Variants in MCC observed in about 807,000 individuals in gnomAD.
MCC encodes colorectal mutant cancer protein.
Under a neutral mutation model 116.2 loss-of-function variants are expected in MCC, and 90 were observed. The ratio of observed to expected loss-of-function variants is 0.77; its 90% CI spans 0.65 to 0.92. The LOEUF (loss-of-function observed/expected upper bound fraction) is 0.92. Among genes scored for constraint, MCC ranks in the 40% least tolerant of loss-of-function variants. The pLI, the probability that MCC is intolerant of heterozygous loss-of-function variation, is 0.00. For synonymous variants in MCC, 578 were observed against 510.5 expected (o/e 1.13, Z -1.78); for missense variants, 1,516 against 1,312.2 (o/e 1.16, Z -2.40).
intron 3 of MCC, among the ~76,000 whole-genome samples, chr5:113,224,249 C>T (rs190226809): frequency 2.0e-5 from 3 of 152,174 alleles, no homozygotes; most frequent in African/African-American, 7.2e-5. Flanking sequence ...CGCGCGACCA[C>T]ATCCGGCTAA....
intron 2 of MCC, among the ~76,000 whole-genome samples, chr5:113,356,685 G>A (rs1393323884): frequency 6.6e-6 from 1 of 152,094 alleles, no homozygotes; most frequent in Non-Finnish European, 1.5e-5. Flanking sequence ...ACCCAGGTTT[G>A]GCTTCAAGGC....
intron 6 of MCC, among the ~76,000 whole-genome samples, chr5:113,111,755 C>T (rs534946508): frequency 9.9e-5 from 15 of 152,226 alleles, no homozygotes; most frequent in South Asian, 6.2e-4. Context: ...CTATCAACGA[C>T]GTTGAGGACT....
At chr5:113,365,859 A>T (rs1229106860) in intron 2 of MCC, among the ~76,000 whole-genome samples, 1 of 152,132 alleles carries the variant, frequency 6.6e-6, no homozygotes, top group Non-Finnish European at 1.5e-5. Flanking sequence ...ATGCTTTTAA[A>T]CAACCATATC....
intron 2 of MCC, among the ~76,000 whole-genome samples, chr5:113,354,384 T>TG (rs1307935090): frequency 1.3e-5 from 2 of 152,120 alleles, no homozygotes; most frequent in African/African-American, 4.8e-5. Flanking sequence ...TAATATTGAT[T>TG]GGATTTTTAT....
At chr5:113,351,126 G>A (rs1768258450) in intron 2 of MCC, among the ~76,000 whole-genome samples, 1 of 152,060 alleles carries the variant, frequency 6.6e-6, no homozygotes, top group African/African-American at 2.4e-5. Flanking sequence ...GAACCATTTG[G>A]AGGTTTTTCA....
At chr5:113,345,088 C>G (rs1241868325) in intron 2 of MCC, among the ~76,000 whole-genome samples, 2 of 152,106 alleles carry the variant, frequency 1.3e-5, no homozygotes, top group Admixed American at 6.5e-5. Context: ...GACTGAAGAG[C>G]CTTTGCACTT....
chr5:113,322,841 C>T (rs576958835), intron 3 of MCC, among the ~76,000 whole-genome samples: 189 of 152,304 alleles, frequency 1.2e-3, no homozygotes, highest in African/African-American at 4.3e-3. Flanking sequence ...AACCAGCCTC[C>T]AAGATAGCCT....
chr5:113,386,787 G>A (rs1268424472), intron 1 of MCC, among the ~76,000 whole-genome samples: 11 of 129,192 alleles, frequency 8.5e-5, no homozygotes, highest in South Asian at 2.2e-4. Context: ...CTCTGCATCT[G>A]TGTATACACA....
intron 3 of MCC, among the ~76,000 whole-genome samples, chr5:113,249,112 G>A (rs1460727721): frequency 6.6e-6 from 1 of 151,268 alleles, no homozygotes; most frequent in Non-Finnish European, 1.5e-5. Flanking sequence ...AAAGTGCTGG[G>A]ATTACAGGCG....
chr5:113,238,023 C>T (rs1368537119), intron 3 of MCC, among the ~76,000 whole-genome samples: 1 of 152,036 alleles, frequency 6.6e-6, no homozygotes, highest in Admixed American at 6.6e-5. Flanking sequence ...TCTCCTTTAC[C>T]AAAGAGAGCT....
At chr5:113,213,362 G>A (rs923704086) in intron 3 of MCC, among the ~76,000 whole-genome samples, 5 of 152,210 alleles carry the variant, frequency 3.3e-5, no homozygotes, top group African/African-American at 1.2e-4. Flanking sequence ...GTGCCATGCA[G>A]GCTTGGAAGG....
At chr5:113,114,294 A>G (rs1341020840) in intron 6 of MCC, among the ~76,000 whole-genome samples, 1 of 152,240 alleles carries the variant, frequency 6.6e-6, no homozygotes, top group South Asian at 2.1e-4. Flanking sequence ...AGGTCTGGAT[A>G]TGCTGCAGTG....
intron 3 of MCC, among the ~76,000 whole-genome samples, chr5:113,280,866 C>T (rs1766019571): frequency 6.6e-6 from 1 of 152,134 alleles, no homozygotes. Context: ...TAAGAGAGTC[C>T]ATGGAGATGA....
chr5:113,081,533 C>A (rs1343909911), intron 11 of MCC, among the ~76,000 whole-genome samples: 1 of 152,092 alleles, frequency 6.6e-6, no homozygotes, highest in Non-Finnish European at 1.5e-5. Context: ...GCCACAGATC[C>A]AACTTGTTAA....
At chr5:113,146,961 TATC>T (rs1404283811) in intron 4 of MCC, among the ~76,000 whole-genome samples, 17 of 152,146 alleles carry the variant, frequency 1.1e-4, no homozygotes, top group Admixed American at 7.2e-4. Context: ...TGGAGGCCAT[TATC>T]ATTAGGAGTC....
intron 3 of MCC, among the ~76,000 whole-genome samples, chr5:113,333,862 T>TACATATGTACATATATGTACATATGTAC (rs371610854): frequency 1.1e-5 from 1 of 94,266 alleles, no homozygotes; most frequent in African/African-American, 3.8e-5. Flanking sequence ...TACATATATG[T>TACATATGTACATATATGTACATATGTAC]ATATATGTAT....
At chr5:113,097,339 TA>T (rs1222649135) in intron 8 of MCC, among the ~76,000 whole-genome samples, 2 of 152,192 alleles carry the variant, frequency 1.3e-5, no homozygotes, top group African/African-American at 4.8e-5. Context: ...TTCTGCATAT[TA>T]AAAATTATAC....
chr5:113,088,308 C>T (rs1191673101), intron 8 of MCC, among the ~76,000 whole-genome samples: 1 of 151,764 alleles, frequency 6.6e-6, no homozygotes, highest in Non-Finnish European at 1.5e-5. Flanking sequence ...AGGCTAAAGC[C>T]AATATGCTGA....
At chr5:113,081,973 G>C (rs952695644) in intron 11 of MCC, among the ~76,000 whole-genome samples, 2 of 152,214 alleles carry the variant, frequency 1.3e-5, no homozygotes, top group African/African-American at 4.8e-5. Context: ...TCCCACTAAA[G>C]ATTGGTAGGT....
Sources: gnomAD v4.1 joint callset for allele counts (sites outside exome capture counted in the v4.1 genomes callset) on GRCh38, gnomAD v4.1.1 for gene constraint, MANE v1.5 for transcripts, NCBI Gene and HGNC (gene_info 2026-07-23, HGNC 2026-07-21) for gene names.